The following CCSER1 variants were observed in gnomAD, a reference collection of about 807,000 sequenced individuals.
CCSER1 encodes the protein serine-rich coiled-coil domain-containing protein 1.
Under a neutral mutation model 82.0 loss-of-function variants are expected in CCSER1, and 41 were observed. The ratio of observed to expected loss-of-function variants is 0.50; its 90% CI spans 0.39 to 0.65. The LOEUF is 0.65. Among genes scored for constraint, CCSER1 ranks in the 30% least tolerant of loss-of-function variants. CCSER1 has a pLI of 0.00. For synonymous variants in CCSER1, 414 were observed against 383.9 expected, an observed-to-expected ratio of 1.08 and a Z score of -0.92; for missense variants, 1,119 against 1,064.2, an observed-to-expected ratio of 1.05 and a Z score of -0.72.
chr4:90,378,745 T>G (rs1285670379), intron 3 of CCSER1, among the ~76,000 whole-genome samples: 1 of 152,188 alleles, frequency 6.6e-6, no homozygotes, highest in Non-Finnish European at 1.5e-5. Flanking sequence ...CTGACATAGT[T>G]GTTTAGGTTA....
rs376885173 is a variant in CCSER1 at position 90,339,732 on chromosome 4, T to C, written c.1509+26685T>C. Among the ~76,000 whole-genome samples, 6 of 152,256 alleles carry C rather than the reference T, an allele frequency of 3.9e-5. No individual in the cohort carries two copies. In the East Asian group the frequency reaches 1.2e-3, roughly 29 times the overall value. On this transcript the variant is annotated intron_variant, in intron 3 of 10. Transcript: ENST00000509176. ...ATCATTATGTCATCCCTGACCATTC[T>C]CTATAAAACAGCAACTGCTGTTTTT...
intron 10 of CCSER1, among the ~76,000 whole-genome samples, chr4:91,330,780 A>G (rs1478212298): frequency 1.3e-5 from 2 of 152,176 alleles, no homozygotes. Context: ...AAATTACAGT[A>G]GTCTCCCCTT....
chr4:90,990,608 A>T lies in CCSER1; in HGVS notation c.2172+67161A>T, dbSNP rs748140789. 1.8e-4 allele frequency among the ~76,000 whole-genome samples: 28 copies of T among 151,892 alleles called. 1 individual carries two copies. The highest frequency in any genetic ancestry group is 2.4e-5 in the African/African-American group (1 of 41,398). On this transcript the variant is annotated intron_variant, in intron 9 of 10. Transcript: ENST00000509176. ...TAGGTTGCCATTCTCTCAGAATCAGATGGAGTGCTTCCTGCAGGTCTAGAT... is the reference window on the plus strand; with the variant it reads ...TAGGTTGCCATTCTCTCAGAATCAGTTGGAGTGCTTCCTGCAGGTCTAGAT...
intron 5 of CCSER1, among the ~76,000 whole-genome samples, chr4:90,501,980 T>C (rs1769951766): frequency 6.6e-6 from 1 of 152,144 alleles, no homozygotes; most frequent in African/African-American, 2.4e-5. Flanking sequence ...ATTCTGTAGG[T>C]TTGTTTGAAC....
chr4:90,604,907 C>A (rs534441911), intron 5 of CCSER1, among the ~76,000 whole-genome samples: 5 of 152,178 alleles, frequency 3.3e-5, no homozygotes, highest in Non-Finnish European at 7.3e-5. Flanking sequence ...CCAATCAGCT[C>A]TCTGTAAAAT....
At chr4:90,868,778 C>T (rs1369077374) in intron 8 of CCSER1, among the ~76,000 whole-genome samples, 1 of 152,070 alleles carries the variant, frequency 6.6e-6, no homozygotes, top group South Asian at 2.1e-4. Flanking sequence ...GAGGAGCCTC[C>T]AAACTGTTCT....
chr4:91,218,194 T>C (rs111431013), intron 10 of CCSER1, among the ~76,000 whole-genome samples: 8,821 of 152,190 alleles, frequency 0.058, 503 homozygotes, highest in African/African-American at 0.15. Context: ...AGTACACCCT[T>C]GGCAGCCACT....
chr4:91,319,644 C>T (rs889862051), intron 10 of CCSER1: 1 of 455,616 alleles, frequency 2.2e-6, no homozygotes, highest in South Asian at 1.5e-5. Context: ...TATTAACCTA[C>T]CTAATACAAA....
chr4:90,282,336 C>T (rs1361725726), intron 1 of CCSER1, among the ~76,000 whole-genome samples: 1 of 151,654 alleles, frequency 6.6e-6, no homozygotes, highest in Non-Finnish European at 1.5e-5. Flanking sequence ...GATAAAAGCA[C>T]TGTTTGGCGT....
chr4:90,925,542 G>A (rs948983105), intron 9 of CCSER1, among the ~76,000 whole-genome samples: 2 of 152,058 alleles, frequency 1.3e-5, no homozygotes, highest in African/African-American at 2.4e-5. Context: ...AGGAATGAAC[G>A]ACACCTCTGG....
chr4:90,895,068 A>T (rs919262270), intron 8 of CCSER1, among the ~76,000 whole-genome samples: 2 of 151,984 alleles, frequency 1.3e-5, no homozygotes, highest in Non-Finnish European at 2.9e-5. Flanking sequence ...ATAATGCTTC[A>T]GGTGTAAATA....
At chr4:90,365,188 T>C (rs560426400) in intron 3 of CCSER1, among the ~76,000 whole-genome samples, 1 of 152,020 alleles carries the variant, frequency 6.6e-6, no homozygotes, top group African/African-American at 2.4e-5. Flanking sequence ...TCACAGAAGA[T>C]TTTCACAGTC....
chr4:90,778,386 G>A (rs1456909081), intron 7 of CCSER1, among the ~76,000 whole-genome samples: 1 of 152,088 alleles, frequency 6.6e-6, no homozygotes, highest in Non-Finnish European at 1.5e-5. Context: ...TTTGAAAATA[G>A]AATGTGCATG....
At chr4:90,652,352 A>C (rs1048165305) in intron 6 of CCSER1, among the ~76,000 whole-genome samples, 1 of 152,204 alleles carries the variant, frequency 6.6e-6, no homozygotes, top group East Asian at 1.9e-4. Flanking sequence ...ATAATGTTGT[A>C]TATGATTGTA....
At chr4:91,178,260 T>C (rs530729472) in intron 10 of CCSER1, among the ~76,000 whole-genome samples, 1 of 152,300 alleles carries the variant, frequency 6.6e-6, no homozygotes, top group East Asian at 1.9e-4. Flanking sequence ...ATAGGTGTGG[T>C]GTGGTGCTGA....
chr4:90,778,558 A>G (rs977973156), intron 7 of CCSER1, among the ~76,000 whole-genome samples: 3 of 151,178 alleles, frequency 2.0e-5, no homozygotes, highest in Non-Finnish European at 3.0e-5. Context: ...AGAAACCCAT[A>G]CACTAACATA....
intron 10 of CCSER1, among the ~76,000 whole-genome samples, chr4:91,201,712 T>C (rs1008792154): frequency 6.6e-6 from 1 of 152,142 alleles, no homozygotes; most frequent in Non-Finnish European, 1.5e-5. Flanking sequence ...CTTAGTGTAT[T>C]GGTTGGTGGC....
At chr4:90,897,228 C>A (rs568790857) in intron 8 of CCSER1, among the ~76,000 whole-genome samples, 1 of 151,982 alleles carries the variant, frequency 6.6e-6, no homozygotes, top group East Asian at 1.9e-4. Context: ...GGGAACCCAT[C>A]ACCCAAATAG....
At chr4:90,542,706 ATGT>A (rs1017171157) in intron 5 of CCSER1, among the ~76,000 whole-genome samples, 4 of 152,140 alleles carry the variant, frequency 2.6e-5, no homozygotes, top group African/African-American at 4.8e-5. Context: ...TAAAGTATAA[ATGT>A]TGTTGTTGAT....
Sources: gnomAD v4.1 joint callset for allele counts (sites outside exome capture counted in the v4.1 genomes callset) on GRCh38, gnomAD v4.1.1 for gene constraint, MANE v1.5 for transcripts, NCBI Gene and HGNC (gene_info 2026-07-23, HGNC 2026-07-21) for gene names.